CREG2: variants seen among roughly 807,000 people sequenced by gnomAD.
The protein encoded by CREG2 is cellular repressor of E1A stimulated genes 2.
Under a neutral mutation model 26.2 loss-of-function variants are expected in CREG2, and 24 were observed. The observed-to-expected ratio is 0.92, with a 90% confidence interval of 0.66 to 1.29. The LOEUF is 1.29. Ranked by LOEUF, CREG2 falls within the 50% of genes most tolerant of loss-of-function variation. The pLI is 0.00. For synonymous variants in CREG2, 174 were observed against 169.2 expected (o/e 1.03, Z -0.22); for missense variants, 366 against 398.6 (o/e 0.92, Z 0.70).
In CREG2 at chr2:101,387,179, C is replaced by G. The variant is rs1381289661; in HGVS notation, c.279G>C (p.Arg93=). The G allele has an allele frequency of 3.8e-6, 5 of 1,325,442 alleles. No homozygotes were observed. Among genetic ancestry groups the G allele is most frequent in the Non-Finnish European group, 4.9e-6 (5 of 1,029,710 alleles). The allele number at this position is 1,325,442 out of a possible 1,614,324, so 82.1% of individuals were successfully genotyped here. The change falls in exon 1 of 4, where the codon CGG becomes CGC. Residue 93 remains arginine (R), a synonymous_variant. Coordinates refer to ENST00000324768, the MANE Select transcript of CREG2 (RefSeq NM_153836.4). The surrounding 1 kb of genome is among the most constrained non-coding windows in gnomAD (Gnocchi z 4.7). ...CGGGTGGCGCGGGGGGCGGCCTGGC[C>G]CGGGCGGCGCCCGCCCGGGGCCGCA... The part of the protein sequence containing the change: ...AHLRPRAGAA[R]ARPPPAPPGM...
intron 2 of CREG2, among the ~76,000 whole-genome samples, chr2:101,369,940 T>C (rs780761470): frequency 1.3e-5 from 2 of 152,216 alleles, no homozygotes; most frequent in Non-Finnish European, 2.9e-5. Context: ...TGTGTTTTTG[T>C]TGGTTCTGCA....
chr2:101,373,345 T>A (rs1354402631), intron 2 of CREG2, among the ~76,000 whole-genome samples: 1 of 152,226 alleles, frequency 6.6e-6, no homozygotes, highest in Non-Finnish European at 1.5e-5. Context: ...GAAAACATTA[T>A]GCTAAAGTGG....
intron 3 of CREG2, among the ~76,000 whole-genome samples, chr2:101,353,692 T>C (rs1355649552): frequency 6.6e-6 from 1 of 152,170 alleles, no homozygotes; most frequent in African/African-American, 2.4e-5. Context: ...CTATTTACAA[T>C]AGCAAAGACT....
At chr2:101,369,250 G>C (rs909823305) in intron 2 of CREG2, among the ~76,000 whole-genome samples, 1 of 152,204 alleles carries the variant, frequency 6.6e-6, no homozygotes, top group Admixed American at 6.5e-5. Flanking sequence ...CTTGGGCCAG[G>C]GGGTGGAGAG....
chr2:101,357,076 A>G (rs1220707725), intron 2 of CREG2, among the ~76,000 whole-genome samples: 1 of 152,142 alleles, frequency 6.6e-6, no homozygotes, highest in Non-Finnish European at 1.5e-5. Context: ...TTTAGTAGAG[A>G]CGGGGTTTCA....
chr2:101,374,888 T>C (rs577878293), intron 2 of CREG2, among the ~76,000 whole-genome samples: 2 of 152,314 alleles, frequency 1.3e-5, no homozygotes, highest in African/African-American at 4.8e-5. Context: ...TCTTTTTACT[T>C]TTCACACAGA....
At chr2:101,356,658 C>G (rs140683715) in intron 2 of CREG2, among the ~76,000 whole-genome samples, 1 of 152,002 alleles carries the variant, frequency 6.6e-6, no homozygotes, top group Non-Finnish European at 1.5e-5. Context: ...AGTAGTACAA[C>G]GCTTCTGTCT....
intron 2 of CREG2, among the ~76,000 whole-genome samples, chr2:101,357,062 T>C (rs1472151536): frequency 1.3e-5 from 2 of 152,168 alleles, no homozygotes; most frequent in Non-Finnish European, 2.9e-5. Context: ...CTAATTTTTG[T>C]AGTTTTAGTA....
chr2:101,359,641 A>G (rs897204009), intron 2 of CREG2, among the ~76,000 whole-genome samples: 2 of 152,164 alleles, frequency 1.3e-5, no homozygotes, highest in African/African-American at 4.8e-5. Flanking sequence ...TGGGGGTGGG[A>G]TTGGGCCCTC....
intron 2 of CREG2, chr2:101,375,879 C>T (rs1684781906): frequency 6.4e-6 from 1 of 155,052 alleles, no homozygotes; most frequent in African/African-American, 2.4e-5. Flanking sequence ...ACCCCTTCCT[C>T]TCCACAGTCA....
intron 2 of CREG2, among the ~76,000 whole-genome samples, chr2:101,365,196 C>T (rs1357010816): frequency 2.6e-5 from 4 of 152,158 alleles, no homozygotes; most frequent in East Asian, 1.9e-4. Flanking sequence ...CCTAGGGTAA[C>T]CCTAGAACAA....
chr2:101,372,421 C>A (rs1347758037), intron 2 of CREG2, among the ~76,000 whole-genome samples: 1 of 152,228 alleles, frequency 6.6e-6, no homozygotes, highest in East Asian at 1.9e-4. Context: ...CTCCCTACCT[C>A]GTCTTTATAC....
chr2:101,350,854 G>A lies in CREG2; in HGVS notation c.*69C>T. 6.7e-7 allele frequency: 1 copy of A among 1,502,828 alleles called. No individual in the cohort carries two copies. The highest frequency in any genetic ancestry group is 9.2e-7 in the Non-Finnish European group (1 of 1,088,004). The allele number at this position is 1,502,828 out of a possible 1,614,324, so 93.1% of individuals were successfully genotyped here. A position where few individuals can be genotyped will look rare whatever the true frequency, so the allele number is the denominator to read the frequency against. On this transcript the variant is annotated 3_prime_UTR_variant, in exon 4 of 4. Transcript: ENST00000324768. ...TTCAACAAAGAGACAGTGGTCAATAGCTGTCTGGCTGCATCACTGAAAAGG... is the reference window on the plus strand; with the variant it reads ...TTCAACAAAGAGACAGTGGTCAATAACTGTCTGGCTGCATCACTGAAAAGG...
intron 2 of CREG2, among the ~76,000 whole-genome samples, chr2:101,358,677 G>C (rs1684496368): frequency 6.6e-6 from 1 of 152,224 alleles, no homozygotes; most frequent in African/African-American, 2.4e-5. Context: ...GTATGGATCT[G>C]TAGCAACCTC....
chr2:101,381,254 G>A (rs547573985), intron 2 of CREG2, among the ~76,000 whole-genome samples: 4 of 152,244 alleles, frequency 2.6e-5, no homozygotes, highest in East Asian at 1.9e-4. Flanking sequence ...GGGTAGCTGC[G>A]GACACTTCTA....
Position 101,387,426 on chromosome 2 carries a change from C to G in CREG2, c.32G>C (p.Arg11Pro). 3 of 1,246,702 alleles carry G rather than the reference C, an allele frequency of 2.4e-6. No individual in the cohort carries two copies. The highest frequency in any genetic ancestry group is 3.0e-6 in the Non-Finnish European group (3 of 989,748). 77.2% of individuals were successfully genotyped at this position (1,246,702 alleles called of 1,614,324 possible). The change falls in exon 1 of 4, where the codon CGG becomes CCG. Residue 11 changes from arginine (R) to proline (P), a missense_variant. This residue lies in a region of CREG2 where 177 missense variants were observed against 183.3 expected (regional missense o/e 0.97). Transcript: ENST00000324768. This position sits in a 1 kb window ranked among gnomAD's most constrained non-coding sequence, Gnocchi z 4.7. ...CAGCCAGGAGAGGCGGGTCCCCGGC[C>G]GCGCCGGCCGCCGGCCGCGGCGCAC... MSVRRGRRPA[R>P]PGTRLSWLLC...
rs928426501 is a variant in CREG2, at chr2:101,387,402, A to T, written c.56T>A (p.Leu19Gln). ...PARPGTRLSW[L>Q]LCCSALLSPA... ...GGACAGCAGGGCGCTGCAGCACAGC[A>T]GCCAGGAGAGGCGGGTCCCCGGCCG... The change falls in exon 1 of 4, where the codon CTG (leucine) becomes CAG (glutamine). Residue 19 changes from leucine (L) to glutamine (Q), a missense_variant. By Grantham distance (113) the Leu-to-Gln change is moderately radical. Around this residue, in one of 3 missense-constraint regions of CREG2, gnomAD observed 177 missense variants for 183.3 expected, o/e 0.97. Coordinates refer to ENST00000324768, the MANE Select transcript of CREG2 (RefSeq NM_153836.4). This position sits in a 1 kb window ranked among gnomAD's most constrained non-coding sequence, Gnocchi z 4.7. 9 of 1,290,286 alleles carry T rather than the reference A, an allele frequency of 7.0e-6. No homozygotes were observed. The highest frequency in any genetic ancestry group is 1.6e-5 in the African/African-American group (1 of 63,662). The allele number at this position is 1,290,286 out of a possible 1,614,324, so 79.9% of individuals were successfully genotyped here.
chr2:101,372,194 G>A (rs780125220), intron 2 of CREG2, among the ~76,000 whole-genome samples: 1 of 152,148 alleles, frequency 6.6e-6, no homozygotes. Flanking sequence ...ATGTGGTCAC[G>A]TGTTACACCT....
chr2:101,355,464 C>A (rs1040819677), intron 2 of CREG2, 98 bp from the exon 3 acceptor site: 2 of 712,658 alleles, frequency 2.8e-6, no homozygotes, highest in Non-Finnish European at 5.0e-6. Flanking sequence ...AGTCACATTC[C>A]TGGTTATATC....
Sources: allele counts gnomAD v4.1 joint callset (sites outside exome capture counted in the v4.1 genomes callset), GRCh38; gene constraint gnomAD v4.1.1; regional missense constraint gnomAD v4.1.1; non-coding constraint Gnocchi (gnomAD v3.1); transcripts MANE v1.5; gene names NCBI Gene and HGNC (gene_info 2026-07-23, HGNC 2026-07-21).